MEGF6: variants seen among roughly 807,000 people sequenced by gnomAD.
MEGF6 encodes multiple EGF like domains 6, also known as multiple epidermal growth factor-like domains protein 6.
In MEGF6, 184 loss-of-function variants were observed where a neutral mutation model predicts 207.1. The observed-to-expected ratio is 0.89, with a 90% CI of 0.79 to 1.00. The LOEUF is 1.00. MEGF6 is among the 50% of genes least tolerant of loss of function. The pLI is 0.00. For synonymous variants in MEGF6, 1,038 were observed against 910.0 expected, an observed-to-expected ratio of 1.14 and a Z score of -2.53; for missense variants, 2,282 against 2,202.9, an observed-to-expected ratio of 1.04 and a Z score of -0.72.
At chr1:3,508,746 C>T in intron 12 of MEGF6, 57 bp from the exon 13 acceptor site, 8 of 1,593,034 alleles carry the variant, frequency 5.0e-6, no homozygotes, top group East Asian at 2.2e-5. Context: ...TCAGCAGGCA[C>T]AGAGGCCCGG....
intron 4 of MEGF6, chr1:3,531,070 C>A (rs1037423585): frequency 2.8e-5 from 43 of 1,516,078 alleles, no homozygotes; most frequent in Non-Finnish European, 3.3e-5. Flanking sequence ...CAGGCTCGCC[C>A]GGCGCCCACC....
chr1:3,523,128 G>A (rs536870819), intron 5 of MEGF6, among the ~76,000 whole-genome samples: 7 of 152,110 alleles, frequency 4.6e-5, no homozygotes, highest in South Asian at 2.1e-4. Flanking sequence ...AGGCAGGACC[G>A]GGAGGGAGGC....
chr1:3,596,641 T>C (rs1570228895), intron 2 of MEGF6, among the ~76,000 whole-genome samples: 2 of 72,834 alleles, frequency 2.7e-5, no homozygotes, highest in Non-Finnish European at 2.6e-5. Context: ...CCAGCCCCCG[T>C]CTCCACCCCA....
rs145948383 is a variant in MEGF6 at position 3,510,802 on chromosome 1, G to A, written c.1215C>T (p.Ala405=). Residue 405 remains alanine, a synonymous_variant, in exon 10 of 37, where the codon GCC becomes GCT. Coordinates refer to ENST00000356575, the MANE Select transcript of MEGF6 (RefSeq NM_001409.4). ...CGCYAGYRLS[A]DGCGCEDVDE... ...GCTCACCCTCACAGCCGCAGCCATC[G>A]GCACTGAGCCGGTAGCCGGCGTAGC... 557 of 1,607,212 alleles carry A rather than the reference G, an allele frequency of 3.5e-4. No individual in the cohort carries two copies. In the African/African-American group the frequency reaches 6.4e-3, roughly 18 times the overall value.
intron 1 of MEGF6, among the ~76,000 whole-genome samples, chr1:3,609,973 G>A (rs528742220): frequency 6.6e-6 from 1 of 152,352 alleles, no homozygotes; most frequent in South Asian, 2.1e-4. Context: ...CTGGGAGGAG[G>A]TGGCTGGCTG....
chr1:3,591,813 A>T lies in MEGF6; in HGVS notation c.376+3525T>A, dbSNP rs565584509. Reference sequence around the variant, plus strand: ...AAGGGACCGGATGGGGGCACCAGCGAGGGGGCTGGTGGGGGCTGCTACCAA... The same window carrying T: ...AAGGGACCGGATGGGGGCACCAGCGTGGGGGCTGGTGGGGGCTGCTACCAA... On this transcript the variant is annotated intron_variant, in intron 3 of 36. Coordinates refer to ENST00000356575, the MANE Select transcript of MEGF6 (RefSeq NM_001409.4). 9.0e-4 allele frequency among the ~76,000 whole-genome samples: 79 copies of T among 87,662 alleles called. 1 individual carries two copies. The East Asian group carries it at 0.014, about 16-fold the overall frequency. The allele number at this position is 87,662 out of a possible 152,430, so 57.5% of individuals were successfully genotyped here.
intron 1 of MEGF6, among the ~76,000 whole-genome samples, chr1:3,603,845 C>A (rs1474755359): frequency 6.6e-6 from 1 of 152,254 alleles, no homozygotes; most frequent in Admixed American, 6.5e-5. Context: ...CCAGGCCAGC[C>A]GCCCCCAGAT....
intron 17 of MEGF6, among the ~76,000 whole-genome samples, chr1:3,503,917 G>A (rs1641001484): frequency 6.6e-6 from 1 of 152,166 alleles, no homozygotes; most frequent in South Asian, 2.1e-4. Context: ...TGCCAGTCCA[G>A]GTCAGGAGTC....
rs764888541 is a variant in MEGF6 at position 3,501,158 on chromosome 1, G to T, written c.2446+19C>A. The T allele has an allele frequency of 5.6e-6, 9 of 1,612,580 alleles. No homozygotes were observed. The highest frequency in any genetic ancestry group is 7.6e-6 in the Non-Finnish European group (9 of 1,179,886). On this transcript the variant is annotated intron_variant, in intron 19 of 36. Coordinates refer to ENST00000356575, the MANE Select transcript of MEGF6 (RefSeq NM_001409.4). ...CCTACCCCAGGTCAAAGGCTCAGGGGCAGCTCCAGCTCACTCACCGTCCTG... is the reference window on the plus strand; with the variant it reads ...CCTACCCCAGGTCAAAGGCTCAGGGTCAGCTCCAGCTCACTCACCGTCCTG...
chr1:3,587,244 G>T (rs911742904), intron 3 of MEGF6, among the ~76,000 whole-genome samples: 1 of 152,222 alleles, frequency 6.6e-6, no homozygotes. Flanking sequence ...TAACACCAGC[G>T]GGCCTTCAGC....
chr1:3,501,966 GGACT>G (rs747494312), intron 17 of MEGF6, 45 bp from the exon 18 acceptor site: 2 of 1,509,908 alleles, frequency 1.3e-6, no homozygotes, highest in Non-Finnish European at 1.8e-6. Flanking sequence ...CACGTGGAGT[GGACT>G]GACCAGAGCC....
At chr1:3,530,907 C>A (rs537156424) in intron 4 of MEGF6, among the ~76,000 whole-genome samples, 130 of 152,214 alleles carry the variant, frequency 8.5e-4, no homozygotes, top group Non-Finnish European at 1.4e-3. Context: ...GACTCCTCAG[C>A]GCCCACGGAC....
chr1:3,592,711 GC>G (rs111355608), intron 3 of MEGF6, among the ~76,000 whole-genome samples: 35 of 143,224 alleles, frequency 2.4e-4, no homozygotes, highest in African/African-American at 8.5e-4. Flanking sequence ...CCCACCCACC[GC>G]CCCCCTCACT....
intron 5 of MEGF6, among the ~76,000 whole-genome samples, chr1:3,522,924 G>A (rs116936357): frequency 0.044 from 6,643 of 152,288 alleles, 198 homozygotes; most frequent in East Asian, 0.089. Flanking sequence ...CAGAAGCCCC[G>A]CAGGGCAGCG....
chr1:3,552,660 G>A (rs1012769412), intron 4 of MEGF6, among the ~76,000 whole-genome samples: 2 of 152,182 alleles, frequency 1.3e-5, no homozygotes, highest in Non-Finnish European at 2.9e-5. Context: ...GTCACACCAC[G>A]GCACTCCAGC....
chr1:3,538,711 TG>T (rs1642409216), intron 4 of MEGF6, among the ~76,000 whole-genome samples: 1 of 124,140 alleles, frequency 8.1e-6, no homozygotes, highest in Non-Finnish European at 1.9e-5. Context: ...TGTGTGTGTG[TG>T]TGTGTGTGTG....
intron 11 of MEGF6, 138 bp downstream of exon 11, chr1:3,509,732 T>G: frequency 8.3e-7 from 1 of 1,199,032 alleles, no homozygotes; most frequent in Non-Finnish European, 1.1e-6. Context: ...CTCTGAGGTG[T>G]GTTGGCCCAG....
chr1:3,545,210 G>C (rs1180313083), intron 4 of MEGF6, among the ~76,000 whole-genome samples: 1 of 152,126 alleles, frequency 6.6e-6, no homozygotes, highest in Admixed American at 6.5e-5. Context: ...CAGCCCGAGA[G>C]GGGTGCACTT....
At position 3,505,551 on chromosome 1, in the gene MEGF6, G is replaced by A; in HGVS notation, c.1924C>T (p.Pro642Ser). 6.3e-7 allele frequency: 1 copy of A among 1,576,710 alleles called. No homozygotes were observed. The highest frequency in any genetic ancestry group is 1.1e-5 in the South Asian group (1 of 87,212). ...LYGRFCHLTCPPWAFGPGCSE... is the reference protein window; with the variant it reads ...LYGRFCHLTCSPWAFGPGCSE... Reference sequence around the variant, plus strand: ...CAGCCCGGCCCAAAGGCCCACGGCGGGCAGGCTGCACCCACAGAACCGTTG... The same window carrying A: ...CAGCCCGGCCCAAAGGCCCACGGCGAGCAGGCTGCACCCACAGAACCGTTG... The change falls in exon 16 of 37, where the codon CCG becomes TCG. Residue 642 changes from proline (P) to serine (S), a missense_variant. Coordinates refer to ENST00000356575, the MANE Select transcript of MEGF6 (RefSeq NM_001409.4).
Sources: allele counts gnomAD v4.1 joint callset (sites outside exome capture counted in the v4.1 genomes callset), GRCh38; gene constraint gnomAD v4.1.1; transcripts MANE v1.5; gene names NCBI Gene and HGNC (gene_info 2026-07-23, HGNC 2026-07-21).